Variants in NELL1 observed in about 807,000 individuals in gnomAD.
The protein encoded by NELL1 is protein kinase C-binding protein NELL1.
NELL1 carries 76 observed loss-of-function variants against 107.4 expected under a neutral mutation model. The ratio of observed to expected loss-of-function variants is 0.71; its 90% CI spans 0.59 to 0.86. NELL1 has a LOEUF of 0.86. Among genes scored for constraint, NELL1 ranks in the 40% least tolerant of loss-of-function variants. The pLI is 0.00. For missense variants in NELL1, 1,024 were observed against 1,005.5 expected, an observed-to-expected ratio of 1.02 and a Z score of -0.25; for synonymous variants, 353 against 341.2, an observed-to-expected ratio of 1.03 and a Z score of -0.38.
intron 12 of NELL1, among the ~76,000 whole-genome samples, chr11:21,011,305 C>T (rs1048954040): frequency 2.6e-5 from 4 of 151,984 alleles, no homozygotes; most frequent in Non-Finnish European, 5.9e-5. Context: ...GTTGGATTCT[C>T]TGGAAGCAGA....
chr11:21,064,298 G>A (rs1425296183), intron 12 of NELL1, among the ~76,000 whole-genome samples: 1 of 152,114 alleles, frequency 6.6e-6, no homozygotes, highest in Non-Finnish European at 1.5e-5. Context: ...AATTTACACA[G>A]GCTGCTGTGG....
intron 2 of NELL1, among the ~76,000 whole-genome samples, chr11:20,697,967 CG>C (rs1242655797): frequency 1.3e-5 from 2 of 152,116 alleles, no homozygotes; most frequent in Admixed American, 6.6e-5. Flanking sequence ...TGTTAAATGC[CG>C]ATCTTCCAGA....
Position 21,351,085 on chromosome 11 carries a change from C to A in NELL1, c.1550-19768C>A, listed in dbSNP as rs945412964. ...AATGAGAGGGCAATTCGACACAGAG[C>A]ACCTAGAGGAAAGTCACATAAAGAT... On this transcript the variant is annotated intron_variant, in intron 14 of 19. Transcript: ENST00000357134. 2.6e-5 allele frequency among the ~76,000 whole-genome samples: 4 copies of A among 151,976 alleles called. No individual in the cohort carries two copies. The South Asian group carries it at 8.3e-4, about 32-fold the overall frequency.
chr11:21,374,097 T>C (rs757376345), intron 15 of NELL1, among the ~76,000 whole-genome samples: 24 of 152,138 alleles, frequency 1.6e-4, no homozygotes, highest in Admixed American at 1.2e-3. Context: ...TCCAGAGATA[T>C]GTTAACTGCC....
chr11:21,407,909 C>T (rs920622982), intron 15 of NELL1, among the ~76,000 whole-genome samples: 13 of 151,968 alleles, frequency 8.6e-5, no homozygotes, highest in African/African-American at 3.1e-4. Context: ...TACTCTCATA[C>T]TCCATAAAGT....
At chr11:20,920,973 T>G (rs903568521) in intron 7 of NELL1, among the ~76,000 whole-genome samples, 1 of 152,092 alleles carries the variant, frequency 6.6e-6, no homozygotes, top group Non-Finnish European at 1.5e-5. Context: ...AGAATTACAA[T>G]TTGAAAACTG....
intron 12 of NELL1, among the ~76,000 whole-genome samples, chr11:21,047,474 T>G (rs2134341904): frequency 1.3e-5 from 2 of 152,336 alleles, no homozygotes; most frequent in South Asian, 4.1e-4. Context: ...TGTAATATGC[T>G]AATAGCTTTT....
chr11:21,353,152 A>AT (rs1462470408), intron 14 of NELL1, among the ~76,000 whole-genome samples: 1 of 152,120 alleles, frequency 6.6e-6, no homozygotes, highest in Non-Finnish European at 1.5e-5. Context: ...ATCTTGCTTG[A>AT]TCCCTTCATG....
At chr11:21,278,470 A>C (rs1487120857) in intron 14 of NELL1, among the ~76,000 whole-genome samples, 1 of 152,162 alleles carries the variant, frequency 6.6e-6, no homozygotes, top group Non-Finnish European at 1.5e-5. Flanking sequence ...TAATGTACAA[A>C]AGTCGATAGT....
rs180907214 is a variant in NELL1 at position 21,276,051 on chromosome 11, G to C, written c.1549+46597G>C. On this transcript the variant is annotated intron_variant, in intron 14 of 19. Transcript: ENST00000357134. ...ACATAGTATTGGAAGTTCTGGCCAG[G>C]GCAATCAGGCAGGAGAAGGAAATAA... is the stretch of plus-strand genomic sequence containing the variant. Among the ~76,000 whole-genome samples the C allele has an allele frequency of 5.5e-3, 837 of 152,176 alleles. 12 individuals carry two copies. Among genetic ancestry groups the C allele is most frequent in the African/African-American group, 0.019 (771 of 41,508 alleles).
intron 2 of NELL1, among the ~76,000 whole-genome samples, chr11:20,755,482 TACA>T (rs774122676): frequency 1.3e-5 from 2 of 151,836 alleles, no homozygotes; most frequent in South Asian, 2.1e-4. Flanking sequence ...ACCTCAGCTG[TACA>T]ACAACAAGCC....
chr11:21,040,730 G>A (rs887521537), intron 12 of NELL1, among the ~76,000 whole-genome samples: 1 of 152,016 alleles, frequency 6.6e-6, no homozygotes, highest in Non-Finnish European at 1.5e-5. Flanking sequence ...AGTTTTCATG[G>A]CAAATGTTTA....
intron 15 of NELL1, among the ~76,000 whole-genome samples, chr11:21,503,003 C>A (rs1328812398): frequency 3.9e-5 from 6 of 152,180 alleles, no homozygotes; most frequent in African/African-American, 1.4e-4. Context: ...CTGCCTCAAC[C>A]TCCCGAGTAG....
In NELL1 at chr11:20,902,022, T is replaced by C. The variant is rs559896352; in HGVS notation, c.604-16160T>C. Among the ~76,000 whole-genome samples the C allele has an allele frequency of 2.6e-5, 4 of 152,180 alleles. No individual in the cohort carries two copies. In the East Asian group the frequency reaches 7.7e-4, roughly 29 times the overall value. The stretch of plus-strand genomic sequence containing the variant: ...ACATAAAAATCACTTACAAGTACAA[T>C]TGAATTAAATACCTAACTGAAAGCT... On this transcript the variant is annotated intron_variant, in intron 5 of 19. Transcript: ENST00000357134.
chr11:21,151,504 T>C (rs949414334), intron 13 of NELL1, among the ~76,000 whole-genome samples: 2 of 152,132 alleles, frequency 1.3e-5, no homozygotes, highest in Non-Finnish European at 2.9e-5. Flanking sequence ...TTGAAGTGTA[T>C]CTTGTGGAGT....
At chr11:21,492,498 A>G (rs951400687) in intron 15 of NELL1, among the ~76,000 whole-genome samples, 1 of 151,700 alleles carries the variant, frequency 6.6e-6, no homozygotes, top group African/African-American at 2.4e-5. Context: ...AACCAACCCA[A>G]ATGTCCAACA....
At chr11:21,084,812 A>G (rs935347258) in intron 12 of NELL1, among the ~76,000 whole-genome samples, 6 of 152,160 alleles carry the variant, frequency 3.9e-5, no homozygotes, top group Non-Finnish European at 8.8e-5. Context: ...CAAGCTGTGC[A>G]TAGACCCAGA....
At chr11:20,884,015 T>C (rs529821713) in intron 4 of NELL1, among the ~76,000 whole-genome samples, 2 of 152,304 alleles carry the variant, frequency 1.3e-5, no homozygotes, top group African/African-American at 4.8e-5. Flanking sequence ...GGAAAACTTA[T>C]TTTTTCCTGA....
chr11:21,186,850 A>G (rs1856945405), intron 13 of NELL1, among the ~76,000 whole-genome samples: 1 of 151,852 alleles, frequency 6.6e-6, no homozygotes, highest in Non-Finnish European at 1.5e-5. Flanking sequence ...AAAAAGCTGC[A>G]TTTCTACAAA....
Sources: gnomAD v4.1 joint callset for allele counts (sites outside exome capture counted in the v4.1 genomes callset) on GRCh38, gnomAD v4.1.1 for gene constraint, MANE v1.5 for transcripts, NCBI Gene and HGNC (gene_info 2026-07-23, HGNC 2026-07-21) for gene names.